The following FAM177A1 variants were observed in gnomAD, a reference collection of about 807,000 sequenced individuals.
FAM177A1 encodes protein FAM177A1.
A neutral mutation model predicts 26.1 loss-of-function variants in FAM177A1; 22 were observed. The observed-to-expected ratio is 0.84, with a 90% CI of 0.60 to 1.20. The LOEUF (loss-of-function observed/expected upper bound fraction) is 1.20, where lower values mean the gene tolerates loss of function less well. FAM177A1 is among the 50% of genes most tolerant of loss of function. FAM177A1 has a pLI of 0.00. For synonymous variants in FAM177A1, 95 were observed against 99.3 expected, an observed-to-expected ratio of 0.96 and a Z score of 0.26; for missense variants, 296 against 291.1, an observed-to-expected ratio of 1.02 and a Z score of -0.12.
intron 2 of FAM177A1, among the ~76,000 whole-genome samples, chr14:35,068,379 A>G (rs2045270182): frequency 6.6e-6 from 1 of 152,026 alleles, no homozygotes; most frequent in Non-Finnish European, 1.5e-5. Flanking sequence ...GCTCCTGTAG[A>G]TTTACTCTCT....
chr14:35,050,553 T>A (rs2044949418), intron 1 of FAM177A1, among the ~76,000 whole-genome samples: 1 of 151,464 alleles, frequency 6.6e-6, no homozygotes, highest in Non-Finnish European at 1.5e-5. Flanking sequence ...TGACATTCCT[T>A]CCTTTGCCTG....
rs71435851 is a variant in FAM177A1 at position 35,080,912 on chromosome 14, CTTTTTTTTT to C, written c.505-98_505-90del. 1.0e-5 allele frequency: 11 copies of C among 1,079,662 alleles called. No individual in the cohort carries two copies. The African/African-American group carries it at 1.4e-4, about 14-fold the overall frequency. The allele number at this position is 1,079,662 out of a possible 1,614,324, so 66.9% of individuals were successfully genotyped here. On this transcript the variant is annotated intron_variant, in intron 4 of 4. Transcript: ENST00000280987. ...AGACCAAACTGATTTGAACATGACA[CTTTTTTTTT>C]TTTTTTTTTTTAAACATAAGCTGAC... is the stretch of plus-strand genomic sequence containing the variant.
At chr14:35,062,880 G>GTTT (rs78710117) in intron 2 of FAM177A1, among the ~76,000 whole-genome samples, 7 of 135,050 alleles carry the variant, frequency 5.2e-5, no homozygotes, top group East Asian at 2.1e-4. Context: ...TTTATTTGCG[G>GTTT]TTTTTTTTTT....
intron 2 of FAM177A1, among the ~76,000 whole-genome samples, chr14:35,064,731 A>C: frequency 6.6e-6 from 1 of 151,974 alleles, no homozygotes; most frequent in Non-Finnish European, 1.5e-5. Flanking sequence ...ACTCACTGCA[A>C]GCTCCGCCTC....
chr14:35,064,047 C>CAAAAAAAAAAAAAAAAAAAAAA, intron 2 of FAM177A1, among the ~76,000 whole-genome samples: 1 of 79,374 alleles, frequency 1.3e-5, no homozygotes. Context: ...GACTCTGTCT[C>CAAAAAAAAAAAAAAAAAAAAAA]AAAAAAAAAA....
chr14:35,059,031 G>T (rs1275352792), intron 2 of FAM177A1, among the ~76,000 whole-genome samples: 6 of 152,048 alleles, frequency 3.9e-5, no homozygotes, highest in African/African-American at 1.2e-4. Context: ...CGCCTCCCGG[G>T]TTCACGCCAT....
At chr14:35,069,600 T>G (rs1438568685) in intron 2 of FAM177A1, among the ~76,000 whole-genome samples, 1 of 152,128 alleles carries the variant, frequency 6.6e-6, no homozygotes, top group African/African-American at 2.4e-5. Context: ...GGAGTACTTT[T>G]TAACAACTGA....
At chr14:35,077,329 C>G in intron 3 of FAM177A1, 113 bp downstream of exon 3, 1 of 940,498 alleles carries the variant, frequency 1.1e-6, no homozygotes, top group South Asian at 1.3e-5. Flanking sequence ...GAGTTAATCA[C>G]TGTCCTCAAG....
upstream of FAM177A1, chr14:35,046,195 G>C (rs1036269452): frequency 3.2e-6 from 1 of 311,458 alleles, no homozygotes; most frequent in African/African-American, 2.2e-5. Flanking sequence ...CTGGATGCTT[G>C]CTTGGCCGGA....
chr14:35,075,288 C>T (rs1356919026), intron 2 of FAM177A1, among the ~76,000 whole-genome samples: 1 of 152,174 alleles, frequency 6.6e-6, no homozygotes, highest in Non-Finnish European at 1.5e-5. Flanking sequence ...ATGCACTGAA[C>T]TTGTCTTGGG....
chr14:35,066,406 CTTT>C (rs530069165), intron 2 of FAM177A1, among the ~76,000 whole-genome samples: 10 of 126,008 alleles, frequency 7.9e-5, no homozygotes, highest in Admixed American at 1.6e-4. Context: ...AAAAGAGCAT[CTTT>C]TTTTTTTTTT....
rs539461022 is a variant in FAM177A1 at position 35,047,782 on chromosome 14, C to A, written c.165+1154C>A. Among the ~76,000 whole-genome samples the A allele has an allele frequency of 9.6e-3, 564 of 58,964 alleles. 9 individuals carry two copies. The highest frequency in any genetic ancestry group is 0.024 in the African/African-American group (480 of 20,100). The allele number at this position is 58,964 out of a possible 152,430, so 38.7% of individuals were successfully genotyped here. ...ACAACAACAACAACAACAACAACAACAAAAAAAAAACCCTTGAGTTGCTCA... is the reference window on the plus strand; with the variant it reads ...ACAACAACAACAACAACAACAACAAAAAAAAAAAAACCCTTGAGTTGCTCA... On this transcript the variant is annotated intron_variant, in intron 1 of 4. Transcript: ENST00000280987.
chr14:35,060,486 T>C (rs1270047948), intron 2 of FAM177A1, among the ~76,000 whole-genome samples: 1 of 152,182 alleles, frequency 6.6e-6, no homozygotes, highest in Non-Finnish European at 1.5e-5. Context: ...TTTTTCCCTA[T>C]GTATGGGTCA....
chr14:35,055,361 A>G (rs1004714970), intron 2 of FAM177A1, among the ~76,000 whole-genome samples: 8 of 150,724 alleles, frequency 5.3e-5, no homozygotes, highest in African/African-American at 1.7e-4. Context: ...TGTACCATAT[A>G]CTTTGAAGGT....
At chr14:35,057,026 CT>C (rs2045072840) in intron 2 of FAM177A1, among the ~76,000 whole-genome samples, 1 of 152,010 alleles carries the variant, frequency 6.6e-6, no homozygotes, top group African/African-American at 2.4e-5. Context: ...TCATGATTTT[CT>C]TTGTTGTTTT....
chr14:35,074,115 A>G (rs2045360573), intron 2 of FAM177A1, among the ~76,000 whole-genome samples: 1 of 152,196 alleles, frequency 6.6e-6, no homozygotes, highest in Admixed American at 6.5e-5. Context: ...GACAGAACTA[A>G]TAGAATATAT....
chr14:35,070,821 A>G (rs1349129224), intron 2 of FAM177A1, among the ~76,000 whole-genome samples: 1 of 152,044 alleles, frequency 6.6e-6, no homozygotes, highest in Non-Finnish European at 1.5e-5. Flanking sequence ...ATATGATATA[A>G]TACATGTGGA....
At chr14:35,062,707 T>C (rs897222341) in intron 2 of FAM177A1, among the ~76,000 whole-genome samples, 1 of 151,718 alleles carries the variant, frequency 6.6e-6, no homozygotes, top group African/African-American at 2.4e-5. Context: ...GGCAAGAGGA[T>C]TGCTTGAGCC....
intron 2 of FAM177A1, among the ~76,000 whole-genome samples, chr14:35,066,699 C>T (rs1352870174): frequency 1.3e-5 from 2 of 152,116 alleles, no homozygotes; most frequent in Non-Finnish European, 1.5e-5. Flanking sequence ...GCCACCGCGC[C>T]TGGCCATAAA....
Sources: allele counts gnomAD v4.1 joint callset (sites outside exome capture counted in the v4.1 genomes callset), GRCh38; gene constraint gnomAD v4.1.1; transcripts MANE v1.5; gene names NCBI Gene and HGNC (gene_info 2026-07-23, HGNC 2026-07-21).